The following PTPN4 variants were observed in gnomAD, a reference collection of about 807,000 sequenced individuals.
PTPN4 encodes tyrosine-protein phosphatase non-receptor type 4.
PTPN4 carries 49 observed loss-of-function variants against 135.5 expected under a neutral mutation model. The observed-to-expected ratio is 0.36, with a 90% confidence interval of 0.29 to 0.46. The LOEUF (loss-of-function observed/expected upper bound fraction) is 0.46, where lower values mean the gene tolerates loss of function less well. PTPN4 is among the 20% of genes least tolerant of loss of function. PTPN4 has a pLI of 1.00. For missense variants in PTPN4, 860 were observed against 1,101.0 expected (o/e 0.78, Z 3.10); for synonymous variants, 333 against 369.9 (o/e 0.90, Z 1.14).
At chr2:119,822,589 C>T (rs1677085967) in intron 2 of PTPN4, among the ~76,000 whole-genome samples, 1 of 152,166 alleles carries the variant, frequency 6.6e-6, no homozygotes, top group Non-Finnish European at 1.5e-5. Flanking sequence ...GATCTCCTCA[C>T]CTCGTGATCC....
At chr2:119,970,150 TC>T (rs1463215484) in intron 26 of PTPN4, among the ~76,000 whole-genome samples, 1 of 151,594 alleles carries the variant, frequency 6.6e-6, no homozygotes. Flanking sequence ...ACCTCCGCCT[TC>T]CGGGTTCAAG....
intron 2 of PTPN4, among the ~76,000 whole-genome samples, chr2:119,848,459 C>T (rs902614054): frequency 3.9e-5 from 6 of 152,008 alleles, no homozygotes; most frequent in Admixed American, 2.6e-4. Context: ...AGGCGTGAGC[C>T]ACCACACCCA....
At position 119,956,935 on chromosome 2, in the gene PTPN4, G is replaced by GT. The variant is rs779864172; in HGVS notation, c.2071+2dup. On this transcript the variant is annotated splice_donor_variant, in intron 21 of 26. Coordinates refer to ENST00000263708, the MANE Select transcript of PTPN4 (RefSeq NM_002830.4). LOFTEE classifies it high-confidence loss of function. ...AATAGATACAGAGATATTTCGCCTT[G>GT]TAAGTATCTTATTGTCTCTGTTAAA... 6.2e-7 allele frequency: 1 copy of GT among 1,607,612 alleles called. No individual in the cohort carries two copies. Among genetic ancestry groups the GT allele is most frequent in the Non-Finnish European group, 8.5e-7 (1 of 1,178,664 alleles).
chr2:119,890,383 T>C (rs1678224017), intron 9 of PTPN4, among the ~76,000 whole-genome samples: 1 of 152,140 alleles, frequency 6.6e-6, no homozygotes, highest in Non-Finnish European at 1.5e-5. Flanking sequence ...TCCATCCCTT[T>C]ATTTTCAGTC....
chr2:119,908,097 T>C (rs1357643087), intron 10 of PTPN4, among the ~76,000 whole-genome samples: 1 of 152,080 alleles, frequency 6.6e-6, no homozygotes, highest in Non-Finnish European at 1.5e-5. Flanking sequence ...AATAGTCAAA[T>C]GGGACTATCA....
intron 3 of PTPN4, 56 bp downstream of exon 3, chr2:119,862,699 T>C: frequency 7.1e-7 from 1 of 1,414,752 alleles, no homozygotes; most frequent in Non-Finnish European, 9.8e-7. Flanking sequence ...CAGTTTAGTG[T>C]AGAAAGTCCT....
At chr2:119,797,670 C>G (rs1253942136) in intron 1 of PTPN4, among the ~76,000 whole-genome samples, 1 of 152,130 alleles carries the variant, frequency 6.6e-6, no homozygotes, top group Non-Finnish European at 1.5e-5. Context: ...CTTCTATGGC[C>G]TAAATCCTTT....
intron 13 of PTPN4, among the ~76,000 whole-genome samples, chr2:119,928,308 T>C (rs1678854158): frequency 6.6e-6 from 1 of 152,016 alleles, no homozygotes; most frequent in South Asian, 2.1e-4. Flanking sequence ...AGAGTAGGAG[T>C]TGTTGCTAAG....
intron 3 of PTPN4, among the ~76,000 whole-genome samples, chr2:119,864,039 C>T (rs1438178391): frequency 6.6e-6 from 1 of 152,052 alleles, no homozygotes; most frequent in Non-Finnish European, 1.5e-5. Context: ...TGCAAGTTGC[C>T]TTGGAGAGTG....
At chr2:119,953,707 C>T (rs1231101649) in intron 19 of PTPN4, among the ~76,000 whole-genome samples, 3 of 152,060 alleles carry the variant, frequency 2.0e-5, no homozygotes, top group Non-Finnish European at 1.5e-5. Flanking sequence ...CACCTAGGCT[C>T]TTTTGTATAT....
At chr2:119,839,932 A>G (rs1156480675) in intron 2 of PTPN4, among the ~76,000 whole-genome samples, 1 of 152,212 alleles carries the variant, frequency 6.6e-6, no homozygotes, top group African/African-American at 2.4e-5. Flanking sequence ...TCCAGTGGAA[A>G]GTATGAGGGG....
intron 2 of PTPN4, among the ~76,000 whole-genome samples, chr2:119,849,521 C>T (rs1169096644): frequency 2.0e-5 from 3 of 152,096 alleles, no homozygotes; most frequent in Admixed American, 1.3e-4. Flanking sequence ...AGGCTGATGT[C>T]GAACTCCTGG....
chr2:119,929,971 T>G (rs572106263), intron 13 of PTPN4, among the ~76,000 whole-genome samples: 1 of 152,198 alleles, frequency 6.6e-6, no homozygotes, highest in Admixed American at 6.5e-5. Context: ...AATAATAGTT[T>G]ATTACATTAT....
intron 9 of PTPN4, among the ~76,000 whole-genome samples, chr2:119,891,285 T>A (rs759058090): frequency 2.6e-5 from 4 of 152,172 alleles, no homozygotes; most frequent in African/African-American, 9.7e-5. Context: ...GTATTTTGAA[T>A]TTTTTTCAGT....
chr2:119,940,451 A>C (rs76937859), intron 15 of PTPN4, among the ~76,000 whole-genome samples: 1 of 152,302 alleles, frequency 6.6e-6, no homozygotes, highest in East Asian at 1.9e-4. Flanking sequence ...CATCTTAGAA[A>C]ATAAGGGTTT....
At chr2:119,972,431 T>C (rs1679550631) in intron 26 of PTPN4, among the ~76,000 whole-genome samples, 1 of 152,326 alleles carries the variant, frequency 6.6e-6, no homozygotes, top group East Asian at 1.9e-4. Context: ...TATTAACCAA[T>C]AGTTTTGTGT....
chr2:119,830,212 G>A (rs922076493), intron 2 of PTPN4, among the ~76,000 whole-genome samples: 1 of 152,110 alleles, frequency 6.6e-6, no homozygotes, highest in Non-Finnish European at 1.5e-5. Flanking sequence ...ATGGTATGAG[G>A]TAGGGGTCCA....
rs1488417392 is a variant in PTPN4, at chr2:119,980,058, A to G, written c.*2988A>G. On this transcript the variant is annotated 3_prime_UTR_variant, in exon 27 of 27. Coordinates refer to ENST00000263708, the MANE Select transcript of PTPN4 (RefSeq NM_002830.4). ...CATCCATTCAAAATAGAGGCAGAGT[A>G]AACAGCCTAAGAAATGATTTCCTTT... is the stretch of plus-strand genomic sequence containing the variant. 1 of 152,174 alleles carries G rather than the reference A, an allele frequency of 6.6e-6. No individual in the cohort carries two copies. The highest frequency in any genetic ancestry group is 1.5e-5 in the Non-Finnish European group (1 of 67,976). The allele number at this position is 152,174 out of a possible 1,614,324, so 9.4% of individuals were successfully genotyped here.
chr2:119,828,561 T>C (rs1215024218), intron 2 of PTPN4, among the ~76,000 whole-genome samples: 1 of 152,262 alleles, frequency 6.6e-6, no homozygotes, highest in African/African-American at 2.4e-5. Flanking sequence ...ATACTTCTGT[T>C]GGGCAATTAT....
Sources: allele counts gnomAD v4.1 joint callset (sites outside exome capture counted in the v4.1 genomes callset), GRCh38; gene constraint gnomAD v4.1.1; transcripts MANE v1.5; gene names NCBI Gene and HGNC (gene_info 2026-07-23, HGNC 2026-07-21).